ITGA11: variants seen among roughly 807,000 people sequenced by gnomAD.
The protein encoded by ITGA11 is integrin alpha-11.
Under a neutral mutation model 141.9 loss-of-function variants are expected in ITGA11, and 97 were observed. The ratio of observed to expected loss-of-function variants is 0.68; its 90% confidence interval spans 0.58 to 0.81. ITGA11 has a LOEUF of 0.81. Among genes scored for constraint, ITGA11 ranks in the 30% least tolerant of loss-of-function variants. The probability of loss-of-function intolerance (pLI) is 0.00; values close to 1 mark genes in which losing one functional copy is unlikely to be tolerated. For missense variants in ITGA11, 1,387 were observed against 1,559.2 expected (o/e 0.89, Z 1.86); for synonymous variants, 658 against 624.6 (o/e 1.05, Z -0.80).
chr15:68,349,374 CT>C (rs1244641855), intron 9 of ITGA11, among the ~76,000 whole-genome samples: 1 of 152,236 alleles, frequency 6.6e-6, no homozygotes, highest in South Asian at 2.1e-4. Flanking sequence ...TCTGTCACCA[CT>C]GCAGATTTGC....
intron 2 of ITGA11, among the ~76,000 whole-genome samples, chr15:68,397,638 ATTTAAAATATT>A (rs1896346578): frequency 8.5e-6 from 1 of 117,244 alleles, no homozygotes; most frequent in Admixed American, 1.2e-4. Flanking sequence ...TTTAATATAT[ATTTAAAATATT>A]TTAAAATATA....
chr15:68,346,269 T>C (rs7180218), intron 10 of ITGA11, among the ~76,000 whole-genome samples: 48,254 of 151,968 alleles, frequency 0.32, 8,114 homozygotes, highest in East Asian at 0.52. Context: ...CTGGGTCTCC[T>C]CACTCTGGAA....
At chr15:68,356,963 C>T in intron 7 of ITGA11, 188 bp downstream of exon 7, 1 of 587,008 alleles carries the variant, frequency 1.7e-6, no homozygotes, top group South Asian at 2.1e-5. Context: ...TGACACCAGA[C>T]TGCAACTACC....
chr15:68,347,435 G>A (rs189093186), intron 10 of ITGA11, among the ~76,000 whole-genome samples: 53 of 152,322 alleles, frequency 3.5e-4, no homozygotes, highest in Middle Eastern at 3.4e-3. Flanking sequence ...AGTTTAAACC[G>A]CTGTGCACAT....
chr15:68,425,098 G>A (rs11072021), intron 1 of ITGA11, among the ~76,000 whole-genome samples: 34,887 of 152,112 alleles, frequency 0.23, 4,846 homozygotes, highest in South Asian at 0.43. Flanking sequence ...CTTAGTGGGC[G>A]CTCAGCACAT....
Position 68,302,055 on chromosome 15 carries a change from A to AGTGTGTGTGTGTGTGTGTGTGTGTGT in ITGA11, c.*978_*1003dup, listed in dbSNP as rs3084584. 2 of 103,874 alleles carry AGTGTGTGTGTGTGTGTGTGTGTGTGT rather than the reference A, an allele frequency of 1.9e-5. No homozygotes were observed. The highest frequency in any genetic ancestry group is 7.3e-5 in the African/African-American group (2 of 27,474). 6.4% of individuals were successfully genotyped at this position (103,874 alleles called of 1,614,324 possible). ...CGGGCATGAGGGAAGGATGGGAGGC[A>AGTGTGTGTGTGTGTGTGTGTGTGTGT]GTGTGTGTGTGTGTGTGTGTGTGTG... On this transcript the variant is annotated 3_prime_UTR_variant, in exon 30 of 30. Coordinates refer to ENST00000315757, the MANE Select transcript of ITGA11 (RefSeq NM_001004439.2).
intron 2 of ITGA11, among the ~76,000 whole-genome samples, chr15:68,373,893 C>T (rs1434409736): frequency 6.6e-6 from 1 of 152,130 alleles, no homozygotes; most frequent in African/African-American, 2.4e-5. Flanking sequence ...ATGCTTTGAA[C>T]CCCTGGATCA....
chr15:68,328,205 G>T lies in ITGA11; in HGVS notation c.1959C>A (p.Asn653Lys). 2 of 1,613,970 alleles carry T rather than the reference G, an allele frequency of 1.2e-6. No homozygotes were observed. The highest frequency in any genetic ancestry group is 1.7e-6 in the Non-Finnish European group (2 of 1,179,884). ...TGCGCTTGCAGTCTCTGTGGAAGAT[G>T]TTGATCTTGGATGGCTCAAAGTGGA... is the stretch of plus-strand genomic sequence containing the variant. ...ASLHFEPSKINIFHRDCKRSG... is the reference protein window; with the variant it reads ...ASLHFEPSKIKIFHRDCKRSG... Residue 653 changes from asparagine to lysine, a missense_variant, in exon 16 of 30, where the codon AAC (asparagine) becomes AAA (lysine). Coordinates refer to ENST00000315757, the MANE Select transcript of ITGA11 (RefSeq NM_001004439.2). The surrounding 1 kb of genome is among the most constrained non-coding windows in gnomAD (Gnocchi z 4.8).
chr15:68,306,696 G>T (rs924051773), intron 28 of ITGA11, among the ~76,000 whole-genome samples: 1 of 152,166 alleles, frequency 6.6e-6, no homozygotes, highest in South Asian at 2.1e-4. Flanking sequence ...GGTTTTTGTT[G>T]GATTGTTTTA....
intron 22 of ITGA11, among the ~76,000 whole-genome samples, chr15:68,315,117 A>G (rs1190475155): frequency 1.1e-4 from 17 of 152,242 alleles, no homozygotes; most frequent in Admixed American, 1.1e-3. Context: ...CCTCTTAAAA[A>G]TAGAAAAAGG....
chr15:68,416,178 G>C (rs949186576), intron 1 of ITGA11, among the ~76,000 whole-genome samples: 1 of 152,172 alleles, frequency 6.6e-6, no homozygotes, highest in African/African-American at 2.4e-5. Flanking sequence ...GTTAACAAGT[G>C]ACTTATCACA....
intron 2 of ITGA11, among the ~76,000 whole-genome samples, chr15:68,389,405 G>T (rs148938320): frequency 7.9e-5 from 12 of 152,318 alleles, no homozygotes; most frequent in African/African-American, 2.4e-4. Context: ...GGCCAGCAGC[G>T]TGTCTGGGGA....
intron 10 of ITGA11, among the ~76,000 whole-genome samples, chr15:68,342,765 AGTG>A: frequency 6.6e-6 from 1 of 152,232 alleles, no homozygotes; most frequent in East Asian, 1.9e-4. Context: ...AGCTGGGGGT[AGTG>A]GTGGGGGTGC....
chr15:68,426,333 G>T (rs1168841011), intron 1 of ITGA11, among the ~76,000 whole-genome samples: 1 of 152,226 alleles, frequency 6.6e-6, no homozygotes, highest in Non-Finnish European at 1.5e-5. Flanking sequence ...AGCAGGCGGG[G>T]CAGACAGGAG....
intron 1 of ITGA11, among the ~76,000 whole-genome samples, chr15:68,405,967 G>A (rs1357124861): frequency 1.3e-5 from 2 of 152,158 alleles, no homozygotes; most frequent in African/African-American, 2.4e-5. Context: ...ATTGTGGACG[G>A]CACTTTGCCT....
chr15:68,335,571 G>T lies in ITGA11; in HGVS notation c.1425+126C>A. Reference sequence around the variant, plus strand: ...TGCCACTCCTGGCAGCATGAAGGTGGCTGGAGGAACATGACTGCCCTTTGG... The same window carrying T: ...TGCCACTCCTGGCAGCATGAAGGTGTCTGGAGGAACATGACTGCCCTTTGG... On this transcript the variant is annotated intron_variant, in intron 12 of 29. Transcript: ENST00000315757. The surrounding 1 kb of genome is among the most constrained non-coding windows in gnomAD (Gnocchi z 4.9). The T allele has an allele frequency of 1.8e-6, 2 of 1,084,558 alleles. No homozygotes were observed. Among genetic ancestry groups the T allele is most frequent in the Non-Finnish European group, 2.7e-6 (2 of 744,704 alleles). The allele number at this position is 1,084,558 out of a possible 1,614,324, so 67.2% of individuals were successfully genotyped here. A position where few individuals can be genotyped will look rare whatever the true frequency, so the allele number is the denominator to read the frequency against.
In ITGA11 at chr15:68,312,869, G is replaced by A; in HGVS notation, c.2883-6C>T. 6.2e-7 allele frequency: 1 copy of A among 1,605,766 alleles called. No individual in the cohort carries two copies. Among genetic ancestry groups the A allele is most frequent in the East Asian group, 2.2e-5 (1 of 44,800 alleles). ...AGTGGCTCAGGCTGCTGCTCCTGCGGAGACAGAGGACAGGGCTGTCGTGAG... is the reference window on the plus strand; with the variant it reads ...AGTGGCTCAGGCTGCTGCTCCTGCGAAGACAGAGGACAGGGCTGTCGTGAG... On this transcript the variant is annotated splice_polypyrimidine_tract_variant and splice_region_variant and intron_variant, in intron 23 of 29. Coordinates refer to ENST00000315757, the MANE Select transcript of ITGA11 (RefSeq NM_001004439.2).
At chr15:68,398,806 G>C (rs1486271229) in intron 2 of ITGA11, among the ~76,000 whole-genome samples, 2 of 123,636 alleles carry the variant, frequency 1.6e-5, no homozygotes, top group African/African-American at 3.1e-5. Context: ...AATAAGAATA[G>C]TTTATTTTTA....
Position 68,328,175 on chromosome 15 carries a change from G to A in ITGA11, c.1989C>T (p.Gly663=). Reference sequence around the variant, plus strand: ...AGGCGGCCAGGCAGGTGGCATCCCTGCCACTGCGCTTGCAGTCTCTGTGGA... The same window carrying A: ...AGGCGGCCAGGCAGGTGGCATCCCTACCACTGCGCTTGCAGTCTCTGTGGA... ...NIFHRDCKRS[G]RDATCLAAFL... is the part of the protein sequence containing the mutation. Residue 663 remains glycine (G), a synonymous_variant, in exon 16 of 30, where the codon GGC becomes GGT. Coordinates refer to ENST00000315757, the MANE Select transcript of ITGA11 (RefSeq NM_001004439.2). The surrounding 1 kb of genome is among the most constrained non-coding windows in gnomAD (Gnocchi z 4.8). 6.2e-7 allele frequency: 1 copy of A among 1,613,932 alleles called. No homozygotes were observed. Among genetic ancestry groups the A allele is most frequent in the South Asian group, 1.1e-5 (1 of 91,080 alleles).
Sources: allele counts gnomAD v4.1 joint callset (sites outside exome capture counted in the v4.1 genomes callset), GRCh38; gene constraint gnomAD v4.1.1; non-coding constraint Gnocchi (gnomAD v3.1); transcripts MANE v1.5; gene names NCBI Gene and HGNC (gene_info 2026-07-23, HGNC 2026-07-21).